SDK1: variants seen among roughly 807,000 people sequenced by gnomAD.
SDK1 encodes sidekick cell adhesion molecule 1.
SDK1 carries 157 observed loss-of-function variants against 245.5 expected under a neutral mutation model. The ratio of observed to expected loss-of-function variants is 0.64; its 90% CI spans 0.56 to 0.73. The LOEUF is 0.73. Ranked by LOEUF, SDK1 falls within the 30% of genes least tolerant of loss-of-function variation. The pLI is 0.00. For missense variants in SDK1, 3,583 were observed against 3,002.3 expected, an observed-to-expected ratio of 1.19 and a Z score of -4.52; for synonymous variants, 1,647 against 1,278.5, an observed-to-expected ratio of 1.29 and a Z score of -6.15.
At chr7:3,547,817 C>G (rs977621745) in intron 1 of SDK1, among the ~76,000 whole-genome samples, 1 of 152,204 alleles carries the variant, frequency 6.6e-6, no homozygotes, top group South Asian at 2.1e-4. Context: ...CAGGCAGATA[C>G]CCGTCAGCCT....
At chr7:3,640,166 T>C (rs10235750) in intron 3 of SDK1, among the ~76,000 whole-genome samples, 97,323 of 152,108 alleles carry the variant, frequency 0.64, 31,586 homozygotes, top group South Asian at 0.79. Flanking sequence ...TTTACTATAT[T>C]TTGAATGTAT....
At chr7:3,919,703 G>A (rs1305468206) in intron 5 of SDK1, among the ~76,000 whole-genome samples, 1 of 152,180 alleles carries the variant, frequency 6.6e-6, no homozygotes, top group Non-Finnish European at 1.5e-5. Flanking sequence ...TGGGCCCTGT[G>A]GAGTAGTTAA....
chr7:3,640,115 C>T (rs1238611848), intron 3 of SDK1, among the ~76,000 whole-genome samples: 1 of 152,056 alleles, frequency 6.6e-6, no homozygotes, highest in African/African-American at 2.4e-5. Flanking sequence ...CTCCATCCAG[C>T]CTTCCAAAGT....
chr7:3,320,922 A>G (rs910672009), intron 1 of SDK1, among the ~76,000 whole-genome samples: 3 of 152,334 alleles, frequency 2.0e-5, no homozygotes, highest in Admixed American at 2.0e-4. Context: ...GCTAGGACTC[A>G]GCAGTCTTAA....
chr7:3,377,487 T>A (rs980368247), intron 1 of SDK1, among the ~76,000 whole-genome samples: 1 of 151,898 alleles, frequency 6.6e-6, no homozygotes, highest in East Asian at 1.9e-4. Context: ...AAAGCTGGGT[T>A]CCCCCCACAC....
At chr7:3,663,127 ATC>A (rs1783417641) in intron 4 of SDK1, among the ~76,000 whole-genome samples, 1 of 152,220 alleles carries the variant, frequency 6.6e-6, no homozygotes, top group Non-Finnish European at 1.5e-5. Flanking sequence ...TGAAAACAAA[ATC>A]TGTTTTCAAT....
intron 4 of SDK1, among the ~76,000 whole-genome samples, chr7:3,670,620 A>C (rs183477603): frequency 6.6e-6 from 1 of 152,172 alleles, no homozygotes; most frequent in East Asian, 1.9e-4. Context: ...GCCCCCAGTA[A>C]ATGTTAGATT....
intron 1 of SDK1, among the ~76,000 whole-genome samples, chr7:3,359,992 A>G (rs1350343090): frequency 1.3e-5 from 2 of 152,166 alleles, no homozygotes; most frequent in African/African-American, 4.8e-5. Flanking sequence ...TTTGTAAGCA[A>G]AATATTACAA....
chr7:3,716,267 GA>G (rs571813047), intron 4 of SDK1, among the ~76,000 whole-genome samples: 49 of 145,898 alleles, frequency 3.4e-4, no homozygotes, highest in East Asian at 9.9e-4. Context: ...TAAATTGGGG[GA>G]AAAAAAAAAC....
intron 1 of SDK1, among the ~76,000 whole-genome samples, chr7:3,518,280 G>C (rs1782813655): frequency 6.6e-6 from 1 of 151,850 alleles, no homozygotes; most frequent in South Asian, 2.1e-4. Context: ...ACATTGATCT[G>C]GGAAATAATT....
chr7:3,334,985 T>C (rs1780162386), intron 1 of SDK1, among the ~76,000 whole-genome samples: 1 of 152,208 alleles, frequency 6.6e-6, no homozygotes, highest in African/African-American at 2.4e-5. Context: ...TTCATTTTTT[T>C]TCTTCTCTAA....
chr7:3,431,362 T>TTTG lies in SDK1; in HGVS notation c.298+129480_298+129481insGTT, dbSNP rs1166665495. Among the ~76,000 whole-genome samples, 337 of 150,096 alleles carry TTTG rather than the reference T, an allele frequency of 2.2e-3. 1 individual carries two copies. Among genetic ancestry groups the TTTG allele is most frequent in the African/African-American group, 7.9e-3 (318 of 40,344 alleles). Reference sequence around the variant, plus strand: ...ATCACTCTGAAAATGTGGGAGGTTTTTTTTTTTTTTTTTTTTTTTAAAGCA... The same window carrying TTTG: ...ATCACTCTGAAAATGTGGGAGGTTTTTTGTTTTTTTTTTTTTTTTTTTAAAGCA... On this transcript the variant is annotated intron_variant, in intron 1 of 44. Transcript: ENST00000404826.
chr7:3,778,016 A>C (rs1780616228), intron 4 of SDK1, among the ~76,000 whole-genome samples: 1 of 152,198 alleles, frequency 6.6e-6, no homozygotes, highest in Admixed American at 6.5e-5. Context: ...ATTTTGTTTT[A>C]CATAAGTAGT....
At chr7:3,858,488 G>GC (rs995574470) in intron 5 of SDK1, among the ~76,000 whole-genome samples, 11 of 151,990 alleles carry the variant, frequency 7.2e-5, no homozygotes, top group African/African-American at 2.7e-4. Flanking sequence ...ATCACAAGAA[G>GC]CTTAACTTCC....
At chr7:3,491,257 T>C (rs2128605122) in intron 1 of SDK1, among the ~76,000 whole-genome samples, 1 of 152,352 alleles carries the variant, frequency 6.6e-6, no homozygotes, top group South Asian at 2.1e-4. Context: ...GCACCTGTGC[T>C]GCGTTGTATT....
rs116521406 is a variant in SDK1 at position 3,455,397 on chromosome 7, A to G, written c.298+153513A>G. Among the ~76,000 whole-genome samples the G allele has an allele frequency of 6.5e-3, 949 of 145,606 alleles. 12 individuals carry two copies. The highest frequency in any genetic ancestry group is 0.023 in the African/African-American group (905 of 39,782). On this transcript the variant is annotated intron_variant, in intron 1 of 44. Transcript: ENST00000404826. ...TTTTCTTTCCTTTTTTTTTTTTTCT[A>G]AAAGTTCTATAGTTTTAAGCATTAC... is the stretch of plus-strand genomic sequence containing the variant.
At chr7:4,222,693 C>T (rs374969649) in intron 40 of SDK1, among the ~76,000 whole-genome samples, 165 of 152,288 alleles carry the variant, frequency 1.1e-3, no homozygotes, top group African/African-American at 3.6e-3. Context: ...GAAATCCAGA[C>T]GTGCTCGCCT....
intron 5 of SDK1, among the ~76,000 whole-genome samples, chr7:3,887,666 C>G (rs1015402056): frequency 1.3e-5 from 2 of 152,154 alleles, no homozygotes; most frequent in African/African-American, 4.8e-5. Context: ...CTGATGATTC[C>G]TGAAGCAGAT....
chr7:4,194,873 A>C (rs551687928), intron 35 of SDK1, among the ~76,000 whole-genome samples: 1 of 152,210 alleles, frequency 6.6e-6, no homozygotes, highest in African/African-American at 2.4e-5. Context: ...AGTATTAACC[A>C]TCACAATGTA....
Sources: allele counts gnomAD v4.1 joint callset (sites outside exome capture counted in the v4.1 genomes callset), GRCh38; gene constraint gnomAD v4.1.1; transcripts MANE v1.5; gene names NCBI Gene and HGNC (gene_info 2026-07-23, HGNC 2026-07-21).